The following NPL variants were observed in gnomAD, a reference collection of about 807,000 sequenced individuals.
The protein encoded by NPL is N-acetylneuraminate pyruvate lyase.
A neutral mutation model predicts 41.1 loss-of-function variants in NPL; 32 were observed. That is an observed-to-expected ratio of 0.78 (90% CI 0.59 to 1.05). The LOEUF is 1.05. Among genes scored for constraint, NPL ranks in the 50% least tolerant of loss-of-function variants. The pLI, the probability that NPL is intolerant of heterozygous loss-of-function variation, is 0.00. For synonymous variants in NPL, 128 were observed against 134.9 expected (o/e 0.95, Z 0.35); for missense variants, 321 against 378.4 (o/e 0.85, Z 1.26).
intron 3 of NPL, among the ~76,000 whole-genome samples, chr1:182,801,497 G>T (rs1666845272): frequency 6.6e-6 from 1 of 152,180 alleles, no homozygotes; most frequent in Non-Finnish European, 1.5e-5. Flanking sequence ...TAAGGGTGCA[G>T]CCAACTCCCT....
rs1667679346 is a variant in NPL, at chr1:182,828,182, C to CT, written c.779-541dup. Among the ~76,000 whole-genome samples the CT allele has an allele frequency of 6.6e-6, 1 of 152,176 alleles. No individual in the cohort carries two copies. Among genetic ancestry groups the CT allele is most frequent in the South Asian group, 2.1e-4 (1 of 4,830 alleles). The stretch of plus-strand genomic sequence containing the variant: ...TACATAGGTAGTTTAATTCCAGCTT[C>CT]TCACCATGCATAGATCTAAGGCTTC... On this transcript the variant is annotated intron_variant, in intron 12 of 12. Coordinates refer to ENST00000367553, the MANE Select transcript of NPL (RefSeq NM_030769.3). This position sits in a 1 kb window ranked among gnomAD's most constrained non-coding sequence, Gnocchi z 4.0.
chr1:182,829,126 A>AT lies in NPL; in HGVS notation c.*225dup, dbSNP rs1196334865. On this transcript the variant is annotated 3_prime_UTR_variant, in exon 13 of 13. Transcript: ENST00000367553. ...CAACTCTCAGTCATTCATTTCACAG[A>AT]TTTTTTTGTGGAGAAATTTCTGTTT... The AT allele has an allele frequency of 8.7e-6, 12 of 1,379,026 alleles. No individual in the cohort carries two copies. The highest frequency in any genetic ancestry group is 5.1e-5 in the South Asian group (3 of 58,874). The allele number at this position is 1,379,026 out of a possible 1,614,324, so 85.4% of individuals were successfully genotyped here. A position where few individuals can be genotyped will look rare whatever the true frequency, so the allele number is the denominator to read the frequency against.
intron 5 of NPL, among the ~76,000 whole-genome samples, chr1:182,807,890 CAAA>C (rs61314915): frequency 3.6e-5 from 2 of 56,248 alleles, no homozygotes; most frequent in Admixed American, 2.0e-4. Flanking sequence ...GACTCCATCT[CAAA>C]AAAAAAAAAA....
chr1:182,810,380 C>G (rs975909264), intron 5 of NPL, among the ~76,000 whole-genome samples: 2 of 152,292 alleles, frequency 1.3e-5, no homozygotes, highest in Middle Eastern at 3.4e-3. Flanking sequence ...GAATTCACTT[C>G]TCACAGGACT....
intron 5 of NPL, 142 bp downstream of exon 5, chr1:182,806,374 G>A (rs969106917): frequency 1.4e-5 from 22 of 1,547,970 alleles, no homozygotes; most frequent in Middle Eastern, 1.7e-4. Context: ...CAGGGCCCCC[G>A]GGATCCTGGC....
At chr1:182,820,515 G>A (rs747906349) in intron 10 of NPL, among the ~76,000 whole-genome samples, 2 of 152,132 alleles carry the variant, frequency 1.3e-5, no homozygotes, top group Non-Finnish European at 2.9e-5. Context: ...TTCTCACATC[G>A]CTATAAAGAA....
At chr1:182,790,393 GTAA>G (rs1379592291) in intron 1 of NPL, among the ~76,000 whole-genome samples, 2 of 152,200 alleles carry the variant, frequency 1.3e-5, no homozygotes, top group Non-Finnish European at 2.9e-5. Context: ...CAATGTTTCA[GTAA>G]TAATCTAAAT....
At chr1:182,822,925 G>A (rs557143674) in intron 11 of NPL, among the ~76,000 whole-genome samples, 74 of 152,244 alleles carry the variant, frequency 4.9e-4, no homozygotes, top group Non-Finnish European at 8.5e-4. Flanking sequence ...GGAGTGCAGC[G>A]ATGTGATCAT....
At chr1:182,818,389 A>G in intron 8 of NPL, 152 bp from the exon 9 acceptor site, 1 of 874,368 alleles carries the variant, frequency 1.1e-6, no homozygotes, top group Non-Finnish European at 1.9e-6. Flanking sequence ...AGCACATAGG[A>G]GCTGCTAGTC....
At position 182,798,218 on chromosome 1, in the gene NPL, C is replaced by G. The variant is rs112542727; in HGVS notation, c.68+3779C>G. On this transcript the variant is annotated intron_variant, in intron 3 of 12. Coordinates refer to ENST00000367553, the MANE Select transcript of NPL (RefSeq NM_030769.3). ...CTTGCCTTTTTATACACTAGTAAGTCTAATGAAAGACTTGCTTTTTTTTTT... is the reference window on the plus strand; with the variant it reads ...CTTGCCTTTTTATACACTAGTAAGTGTAATGAAAGACTTGCTTTTTTTTTT... Among the ~76,000 whole-genome samples the G allele has an allele frequency of 3.9e-3, 577 of 149,536 alleles. 2 individuals are homozygous for G. Among genetic ancestry groups the G allele is most frequent in the African/African-American group, 0.013 (543 of 40,512 alleles).
intron 5 of NPL, chr1:182,809,775 A>T (rs937374292): frequency 2.0e-5 from 3 of 152,282 alleles, no homozygotes; most frequent in East Asian, 3.9e-4. Flanking sequence ...TGACAGCCAG[A>T]AGGCTCGTTG....
chr1:182,795,199 TG>T (rs1666625083), intron 3 of NPL, among the ~76,000 whole-genome samples: 1 of 152,246 alleles, frequency 6.6e-6, no homozygotes, highest in Admixed American at 6.5e-5. Context: ...TGGATCTATA[TG>T]TTTTTGACCT....
chr1:182,790,157 T>C (rs373036190), intron 1 of NPL, among the ~76,000 whole-genome samples: 3 of 152,144 alleles, frequency 2.0e-5, no homozygotes, highest in African/African-American at 7.2e-5. Flanking sequence ...GAGAAATTGG[T>C]GGTTTTCTGC....
At chr1:182,824,080 G>A (rs757307075) in intron 11 of NPL, among the ~76,000 whole-genome samples, 6 of 152,186 alleles carry the variant, frequency 3.9e-5, no homozygotes, top group Non-Finnish European at 7.3e-5. Context: ...ATGTACTTAA[G>A]TGCCATCTGT....
At chr1:182,796,111 T>G (rs943855021) in intron 3 of NPL, among the ~76,000 whole-genome samples, 9 of 148,574 alleles carry the variant, frequency 6.1e-5, no homozygotes, top group African/African-American at 2.2e-4. Context: ...TTTACTATTT[T>G]CTCATCAATT....
rs570010524 is a variant in NPL, at chr1:182,804,714, T to C, written c.142+943T>C. On this transcript the variant is annotated intron_variant, in intron 4 of 12. Transcript: ENST00000367553. ...ACACCTTGGTCCTGACCTACTGCTCTACCAACAGGAGCCCCTCCAGAGCCA... is the reference window on the plus strand; with the variant it reads ...ACACCTTGGTCCTGACCTACTGCTCCACCAACAGGAGCCCCTCCAGAGCCA... Among the ~76,000 whole-genome samples, 11 of 152,296 alleles carry C rather than the reference T, an allele frequency of 7.2e-5. No individual in the cohort carries two copies. In the South Asian group the frequency reaches 2.3e-3, roughly 32 times the overall value.
chr1:182,802,329 C>T lies in NPL; in HGVS notation c.69-1369C>T, dbSNP rs185223032. Among the ~76,000 whole-genome samples, 48 of 152,370 alleles carry T rather than the reference C, an allele frequency of 3.2e-4. No homozygotes were observed. The Middle Eastern group carries it at 0.014, about 43-fold the overall frequency. On this transcript the variant is annotated intron_variant, in intron 3 of 12. Coordinates refer to ENST00000367553, the MANE Select transcript of NPL (RefSeq NM_030769.3). ...ATCTTTTCTCTGAGCTTGTTATAGGCATGATTGCCTGTGCATTCTTTGCAT... is the reference window on the plus strand; with the variant it reads ...ATCTTTTCTCTGAGCTTGTTATAGGTATGATTGCCTGTGCATTCTTTGCAT...
At chr1:182,819,706 C>T (rs904151099) in intron 10 of NPL, among the ~76,000 whole-genome samples, 4 of 152,298 alleles carry the variant, frequency 2.6e-5, no homozygotes, top group African/African-American at 9.6e-5. Context: ...GAATTGAGCA[C>T]ATGCACAGGG....
Position 182,807,720 on chromosome 1 carries a change from CAAAAAAAAAAAAAAA to C in NPL, c.230+1495_230+1509del, listed in dbSNP as rs753955697. Among the ~76,000 whole-genome samples the C allele has an allele frequency of 7.2e-5, 4 of 55,438 alleles. No individual in the cohort carries two copies. In the East Asian group the frequency reaches 1.6e-3, roughly 23 times the overall value. The allele number at this position is 55,438 out of a possible 152,430, so 36.4% of individuals were successfully genotyped here. On this transcript the variant is annotated intron_variant, in intron 5 of 12. Coordinates refer to ENST00000367553, the MANE Select transcript of NPL (RefSeq NM_030769.3). ...TGAAACCCCGTCTCTACTAAAAATA[CAAAAAAAAAAAAAAA>C]AAAAAATTAGCCAGGCATGGTGGCG...
Sources: allele counts gnomAD v4.1 joint callset (sites outside exome capture counted in the v4.1 genomes callset), GRCh38; gene constraint gnomAD v4.1.1; non-coding constraint Gnocchi (gnomAD v3.1); transcripts MANE v1.5; gene names NCBI Gene and HGNC (gene_info 2026-07-23, HGNC 2026-07-21).